The following CNKSR3 variants were observed in gnomAD, a reference collection of about 807,000 sequenced individuals.
CNKSR3 encodes CNKSR family member 3.
In CNKSR3, 36 loss-of-function variants were observed where a neutral mutation model predicts 67.7. The ratio of observed to expected loss-of-function variants is 0.53; its 90% CI spans 0.41 to 0.70. The LOEUF (loss-of-function observed/expected upper bound fraction) is 0.70, where lower values mean the gene tolerates loss of function less well. CNKSR3 is among the 30% of genes least tolerant of loss of function. The probability of loss-of-function intolerance (pLI) is 0.00; values close to 1 mark genes in which losing one functional copy is unlikely to be tolerated. For missense variants in CNKSR3, 630 were observed against 695.2 expected (o/e 0.91, Z 1.05); for synonymous variants, 281 against 271.4 (o/e 1.04, Z -0.35).
Position 154,490,510 on chromosome 6 carries a change from T to G in CNKSR3, c.52+19553A>C, listed in dbSNP as rs936437032. On this transcript the variant is annotated intron_variant, in intron 1 of 12. Transcript: ENST00000607772. ...TATACAATATATCTAATATGTATAA[T>G]GTATCTATTATATGTGTGCACACAC... is the stretch of plus-strand genomic sequence containing the variant. 2.0e-5 allele frequency among the ~76,000 whole-genome samples: 3 copies of G among 152,256 alleles called. No homozygotes were observed. The East Asian group carries it at 5.8e-4, about 29-fold the overall frequency.
intron 1 of CNKSR3, among the ~76,000 whole-genome samples, chr6:154,483,709 T>G (rs1786612649): frequency 6.6e-6 from 1 of 152,078 alleles, no homozygotes; most frequent in Non-Finnish European, 1.5e-5. Context: ...TCACTCAATC[T>G]CCCTCTCTCC....
At chr6:154,463,457 G>A (rs1014833576) in intron 1 of CNKSR3, among the ~76,000 whole-genome samples, 13 of 152,274 alleles carry the variant, frequency 8.5e-5, no homozygotes, top group African/African-American at 2.4e-4. Flanking sequence ...CGTGGGAAAT[G>A]AGAAAAAGGA....
intron 12 of CNKSR3, among the ~76,000 whole-genome samples, chr6:154,409,165 C>T: frequency 6.6e-6 from 1 of 152,134 alleles, no homozygotes; most frequent in Non-Finnish European, 1.5e-5. Flanking sequence ...ACAAACTTTA[C>T]CAAGTCCCTA....
At chr6:154,500,077 A>G (rs1284487258) in intron 1 of CNKSR3, among the ~76,000 whole-genome samples, 2 of 152,162 alleles carry the variant, frequency 1.3e-5, no homozygotes, top group African/African-American at 4.8e-5. Context: ...GGTGCTGACA[A>G]CTTTAACAGG....
At chr6:154,453,716 T>C (rs1381115771) in intron 1 of CNKSR3, among the ~76,000 whole-genome samples, 1 of 152,244 alleles carries the variant, frequency 6.6e-6, no homozygotes, top group Non-Finnish European at 1.5e-5. Context: ...TATAAACAGC[T>C]AAATTAAACT....
intron 1 of CNKSR3, among the ~76,000 whole-genome samples, chr6:154,491,514 T>C (rs893101441): frequency 5.3e-5 from 8 of 152,356 alleles, no homozygotes; most frequent in Middle Eastern, 3.4e-3. Flanking sequence ...AGATAAATCT[T>C]AAAAGATATA....
At chr6:154,451,122 T>A (rs1253204857) in intron 1 of CNKSR3, among the ~76,000 whole-genome samples, 1 of 121,782 alleles carries the variant, frequency 8.2e-6, no homozygotes, top group Non-Finnish European at 1.7e-5. Flanking sequence ...TAGAAAGGCA[T>A]GGTAAATGGG....
intron 1 of CNKSR3, among the ~76,000 whole-genome samples, chr6:154,473,177 C>T (rs1786367891): frequency 6.6e-6 from 1 of 152,130 alleles, no homozygotes; most frequent in African/African-American, 2.4e-5. Flanking sequence ...CAAACAGGAA[C>T]AAGTATCTAG....
intron 9 of CNKSR3, among the ~76,000 whole-genome samples, chr6:154,419,366 G>A (rs1785091761): frequency 6.6e-6 from 1 of 152,092 alleles, no homozygotes; most frequent in South Asian, 2.1e-4. Context: ...TTTCTCAAAA[G>A]GAGATATACA....
chr6:154,454,104 C>CACAGAG (rs1268729108), intron 1 of CNKSR3, among the ~76,000 whole-genome samples: 5 of 116,290 alleles, frequency 4.3e-5, no homozygotes, highest in Non-Finnish European at 8.9e-5. Context: ...CACACACACA[C>CACAGAG]AGAGAGAGAG....
At chr6:154,509,356 T>G (rs1274435721) in intron 1 of CNKSR3, among the ~76,000 whole-genome samples, 1 of 133,568 alleles carries the variant, frequency 7.5e-6, no homozygotes, top group Non-Finnish European at 1.6e-5. Flanking sequence ...AAATATTGTA[T>G]GAATCAAGAC....
At chr6:154,429,240 T>C (rs1388488289) in intron 6 of CNKSR3, among the ~76,000 whole-genome samples, 2 of 152,192 alleles carry the variant, frequency 1.3e-5, no homozygotes, top group East Asian at 1.9e-4. Flanking sequence ...GCTGTAATAA[T>C]GTGGACCCTC....
At chr6:154,410,843 G>T in intron 11 of CNKSR3, 91 bp downstream of exon 11, 1 of 1,009,104 alleles carries the variant, frequency 9.9e-7, no homozygotes, top group South Asian at 1.5e-5. Flanking sequence ...CTTGAAGTCT[G>T]CCAAATTCAT....
At position 154,442,139 on chromosome 6, in the gene CNKSR3, G is replaced by A. The variant is rs1212893448; in HGVS notation, c.368C>T (p.Ser123Leu). ...GGCGGCGCCGATGAGCTCCACCACC[G>A]AGGTCAGGAACTCATTGGGGGCCTT... The part of the protein sequence containing the change: ...SRKAPNEFLT[S>L]VVELIGAAKA... The change falls in exon 3 of 13, where the codon TCG becomes TTG. Residue 123 changes from serine to leucine, a missense_variant. By Grantham distance (145) the Ser-to-Leu change is moderately radical. Around this residue, in one of 3 missense-constraint regions of CNKSR3, gnomAD observed 189 missense variants for 205.0 expected, o/e 0.92. Coordinates refer to ENST00000607772, the MANE Select transcript of CNKSR3 (RefSeq NM_173515.4). The A allele has an allele frequency of 2.5e-6, 4 of 1,613,466 alleles. No homozygotes were observed. The highest frequency in any genetic ancestry group is 3.3e-5 in the Admixed American group (2 of 59,996).
At chr6:154,468,675 ATAAC>A (rs1241621892) in intron 1 of CNKSR3, among the ~76,000 whole-genome samples, 1 of 152,098 alleles carries the variant, frequency 6.6e-6, no homozygotes, top group African/African-American at 2.4e-5. Flanking sequence ...CACTTAGTAA[ATAAC>A]TACTGAATGA....
At chr6:154,419,285 T>C (rs72993368) in intron 9 of CNKSR3, among the ~76,000 whole-genome samples, 6,913 of 152,170 alleles carry the variant, frequency 0.045, 215 homozygotes, top group African/African-American at 0.074. Flanking sequence ...GCTCAAACGA[T>C]CCTCCTTCCT....
At chr6:154,487,167 C>T (rs1786691273) in intron 1 of CNKSR3, among the ~76,000 whole-genome samples, 7 of 152,200 alleles carry the variant, frequency 4.6e-5, no homozygotes, top group Admixed American at 3.3e-4. Flanking sequence ...ATTCCTCTCA[C>T]CAATGGGCAG....
chr6:154,474,452 A>T (rs1786401195), intron 1 of CNKSR3, among the ~76,000 whole-genome samples: 1 of 151,990 alleles, frequency 6.6e-6, no homozygotes, highest in Non-Finnish European at 1.5e-5. Flanking sequence ...AAAGTCCTTC[A>T]ACATACCCAG....
At position 154,440,147 on chromosome 6, in the gene CNKSR3, A is replaced by G. The variant is rs534582294; in HGVS notation, c.507+1145T>C. On this transcript the variant is annotated intron_variant, in intron 4 of 12. Transcript: ENST00000607772. ...GCACCTTTCTAAGATCATGACCTCAAAACTCCATGTGCCTTGAGAACAATG... is the reference window on the plus strand; with the variant it reads ...GCACCTTTCTAAGATCATGACCTCAGAACTCCATGTGCCTTGAGAACAATG... Among the ~76,000 whole-genome samples the G allele has an allele frequency of 5.3e-5, 8 of 152,314 alleles. No homozygotes were observed. In the South Asian group the frequency reaches 1.7e-3, roughly 32 times the overall value.
Sources: allele counts gnomAD v4.1 joint callset (sites outside exome capture counted in the v4.1 genomes callset), GRCh38; gene constraint gnomAD v4.1.1; regional missense constraint gnomAD v4.1.1; transcripts MANE v1.5; gene names NCBI Gene and HGNC (gene_info 2026-07-23, HGNC 2026-07-21).